NRF1: variants seen among roughly 807,000 people sequenced by gnomAD.
NRF1 encodes nuclear respiratory factor 1.
In NRF1, 5 loss-of-function variants were observed where a neutral mutation model predicts 58.5. That is an observed-to-expected ratio of 0.09 (90% CI 0.04 to 0.18). The LOEUF is 0.18. NRF1 is among the 10% of genes least tolerant of loss of function. The pLI, the probability that NRF1 is intolerant of heterozygous loss-of-function variation, is 1.00. For synonymous variants in NRF1, 224 were observed against 246.7 expected, an observed-to-expected ratio of 0.91 and a Z score of 0.86; for missense variants, 288 against 657.7, an observed-to-expected ratio of 0.44 and a Z score of 6.15.
chr7:129,712,117 T>C (rs1803086688), intron 8 of NRF1, among the ~76,000 whole-genome samples: 1 of 140,044 alleles, frequency 7.1e-6, no homozygotes, highest in African/African-American at 2.7e-5. Flanking sequence ...GGCTAAACAC[T>C]CAACCCTATG....
intron 10 of NRF1, among the ~76,000 whole-genome samples, chr7:129,733,067 TCAAA>T (rs1446326831): frequency 2.6e-5 from 4 of 151,218 alleles, no homozygotes; most frequent in Non-Finnish European, 5.9e-5. Flanking sequence ...CGAGACTGTC[TCAAA>T]CAAACAAAAG....
At chr7:129,667,658 A>G (rs1325791110) in intron 2 of NRF1, among the ~76,000 whole-genome samples, 7 of 151,826 alleles carry the variant, frequency 4.6e-5, no homozygotes. Flanking sequence ...TGTTTAAGGA[A>G]TTCTTCTTAA....
At chr7:129,740,863 C>T (rs1056690387) in intron 10 of NRF1, among the ~76,000 whole-genome samples, 1 of 152,150 alleles carries the variant, frequency 6.6e-6, no homozygotes, top group East Asian at 1.9e-4. Flanking sequence ...TTAAAGACTG[C>T]AGATCAAAAG....
intron 3 of NRF1, among the ~76,000 whole-genome samples, chr7:129,673,458 G>C (rs576947818): frequency 2.6e-5 from 4 of 152,086 alleles, no homozygotes; most frequent in African/African-American, 7.2e-5. Context: ...GGTCGGGCGC[G>C]GTGGCTCACG....
At chr7:129,673,300 G>C (rs1174599158) in intron 3 of NRF1, among the ~76,000 whole-genome samples, 1 of 152,170 alleles carries the variant, frequency 6.6e-6, no homozygotes, top group Non-Finnish European at 1.5e-5. Context: ...AATTCCATCA[G>C]ATTTCTTGTT....
intron 4 of NRF1, among the ~76,000 whole-genome samples, chr7:129,680,067 T>A (rs546471077): frequency 6.6e-6 from 1 of 151,842 alleles, no homozygotes; most frequent in African/African-American, 2.4e-5. Flanking sequence ...CTCAAAAAAA[T>A]AATAATAATA....
intron 8 of NRF1, among the ~76,000 whole-genome samples, chr7:129,714,289 A>G (rs1405241521): frequency 6.6e-6 from 1 of 152,242 alleles, no homozygotes; most frequent in African/African-American, 2.4e-5. Flanking sequence ...TTTCACTACA[A>G]ATATAGTTGT....
intron 1 of NRF1, among the ~76,000 whole-genome samples, chr7:129,634,085 C>CACACAT (rs1801119751): frequency 6.9e-6 from 1 of 145,756 alleles, no homozygotes; most frequent in Non-Finnish European, 1.5e-5. Context: ...CACACACACA[C>CACACAT]TTTATTTTTT....
rs910601168 is a variant in NRF1 at position 129,744,352 on chromosome 7, C to T, written c.1349-10666C>T. 7 of 691,838 alleles carry T rather than the reference C, an allele frequency of 1.0e-5. No homozygotes were observed. In the South Asian group the frequency reaches 1.1e-4, roughly 11 times the overall value. 42.9% of individuals were successfully genotyped at this position (691,838 alleles called of 1,614,324 possible). A position where few individuals can be genotyped will look rare whatever the true frequency, so the allele number is the denominator to read the frequency against. On this transcript the variant is annotated intron_variant, in intron 10 of 10. Coordinates refer to ENST00000393232, the MANE Select transcript of NRF1 (RefSeq NM_005011.5). Reference sequence around the variant, plus strand: ...CCTCTACTGTGCAGTCCCCCTCACTCGGTCACCTGATAGTTTTAGTAACCA... The same window carrying T: ...CCTCTACTGTGCAGTCCCCCTCACTTGGTCACCTGATAGTTTTAGTAACCA...
intron 10 of NRF1, among the ~76,000 whole-genome samples, chr7:129,750,346 C>CCGACTTAGGGCA (rs1804084192): frequency 6.6e-6 from 1 of 152,200 alleles, no homozygotes; most frequent in Non-Finnish European, 1.5e-5. Flanking sequence ...GGGCAGCCGC[C>CCGACTTAGGGCA]CGACTTAGGG....
At chr7:129,694,956 T>A (rs1270761396) in intron 5 of NRF1, among the ~76,000 whole-genome samples, 1 of 152,198 alleles carries the variant, frequency 6.6e-6, no homozygotes, top group Non-Finnish European at 1.5e-5. Flanking sequence ...GGTTAAATTA[T>A]GATGGTGTTT....
intron 1 of NRF1, among the ~76,000 whole-genome samples, chr7:129,649,568 A>C (rs572926630): frequency 1.8e-4 from 27 of 152,258 alleles, no homozygotes; most frequent in Non-Finnish European, 3.1e-4. Flanking sequence ...TTCAAATTCC[A>C]GTAGCTCCTT....
rs1190714064 is a variant in NRF1, at chr7:129,696,082, A to AAAAC, written c.606+5539_606+5540insCAAA. 4.2e-4 allele frequency among the ~76,000 whole-genome samples: 61 copies of AAAAC among 144,746 alleles called. 2 individuals are homozygous for AAAAC. The highest frequency in any genetic ancestry group is 1.5e-3 in the African/African-American group (58 of 38,788). The allele number at this position is 144,746 out of a possible 152,430, so 95.0% of individuals were successfully genotyped here. ...TACTAAAAAAAAAAAAAAAAAAAAA[A>AAAAC]AAAACAACCAAATTAGCCGGGCTTA... On this transcript the variant is annotated intron_variant, in intron 5 of 10. Coordinates refer to ENST00000393232, the MANE Select transcript of NRF1 (RefSeq NM_005011.5).
chr7:129,725,669 T>C (rs1803436069), intron 9 of NRF1, among the ~76,000 whole-genome samples: 1 of 152,194 alleles, frequency 6.6e-6, no homozygotes, highest in Admixed American at 6.5e-5. Context: ...TAGAAGGAAA[T>C]AATTATGATA....
intron 10 of NRF1, among the ~76,000 whole-genome samples, chr7:129,735,873 T>C (rs954286606): frequency 1.3e-5 from 2 of 152,016 alleles, no homozygotes; most frequent in African/African-American, 4.8e-5. Flanking sequence ...CCATGCGTGG[T>C]GGCAGGCACC....
Position 129,735,307 on chromosome 7 carries a change from G to A in NRF1, c.1348+7942G>A, listed in dbSNP as rs529311962. The A allele has an allele frequency of 1.6e-4, 137 of 846,704 alleles. No individual in the cohort carries two copies. In the African/African-American group the frequency reaches 1.6e-3, roughly 10 times the overall value. The allele number at this position is 846,704 out of a possible 1,614,324, so 52.4% of individuals were successfully genotyped here. ...AGCACTTTGGGATGCCGACGCGGGC[G>A]GATCACAAGGTCAGGAGTTCGAGAC... On this transcript the variant is annotated intron_variant, in intron 10 of 10. Coordinates refer to ENST00000393232, the MANE Select transcript of NRF1 (RefSeq NM_005011.5).
At chr7:129,750,995 C>T (rs915680752) in intron 10 of NRF1, among the ~76,000 whole-genome samples, 3 of 152,202 alleles carry the variant, frequency 2.0e-5, no homozygotes, top group African/African-American at 4.8e-5. Flanking sequence ...CTTAATTCCT[C>T]CCTTAAGGAA....
chr7:129,749,869 TA>T (rs1804071781), intron 10 of NRF1, among the ~76,000 whole-genome samples: 1 of 152,048 alleles, frequency 6.6e-6, no homozygotes, highest in Non-Finnish European at 1.5e-5. Context: ...TGAGTTCAAA[TA>T]AAAAGACGGG....
rs536595699 is a variant in NRF1, at chr7:129,705,700, C to T, written c.607-3375C>T. On this transcript the variant is annotated intron_variant, in intron 5 of 10. Coordinates refer to ENST00000393232, the MANE Select transcript of NRF1 (RefSeq NM_005011.5). ...GGTGGTTGAGGCAGGAGGATTGCTT[C>T]AGTCCAGGAGTTGGAGATTGGCCTG... is the stretch of plus-strand genomic sequence containing the variant. Among the ~76,000 whole-genome samples the T allele has an allele frequency of 1.2e-3, 185 of 152,096 alleles. 1 individual carries two copies. Among genetic ancestry groups the T allele is most frequent in the South Asian group, 5.0e-3 (24 of 4,822 alleles).
Sources: gnomAD v4.1 joint callset for allele counts (sites outside exome capture counted in the v4.1 genomes callset) on GRCh38, gnomAD v4.1.1 for gene constraint, MANE v1.5 for transcripts, NCBI Gene and HGNC (gene_info 2026-07-23, HGNC 2026-07-21) for gene names.